KIFAP3: variants seen among roughly 807,000 people sequenced by gnomAD.
The protein encoded by KIFAP3 is kinesin associated protein 3.
In KIFAP3, 68 loss-of-function variants were observed where a neutral mutation model predicts 106.5. That is an observed-to-expected ratio of 0.64 (90% confidence interval 0.53 to 0.78). The LOEUF is 0.78. Ranked by LOEUF, KIFAP3 falls within the 30% of genes least tolerant of loss-of-function variation. The pLI is 0.00. For missense variants in KIFAP3, 780 were observed against 941.8 expected (o/e 0.83, Z 2.25); for synonymous variants, 320 against 311.5 (o/e 1.03, Z -0.29).
intron 10 of KIFAP3, among the ~76,000 whole-genome samples, chr1:169,995,396 A>C (rs924051385): frequency 6.6e-6 from 1 of 152,050 alleles, no homozygotes; most frequent in Non-Finnish European, 1.5e-5. Context: ...CATATTCTGA[A>C]GGAAAGTTTC....
chr1:169,948,928 A>G (rs1368196487), intron 19 of KIFAP3, among the ~76,000 whole-genome samples: 1 of 152,052 alleles, frequency 6.6e-6, no homozygotes, highest in African/African-American at 2.4e-5. Context: ...TCTCAAGGGA[A>G]AAAAACAGTA....
At chr1:170,050,241 T>A (rs1670502227) in intron 2 of KIFAP3, among the ~76,000 whole-genome samples, 2 of 151,686 alleles carry the variant, frequency 1.3e-5, no homozygotes, top group East Asian at 3.9e-4. Flanking sequence ...GAATAAAGAT[T>A]AGAGATTGAA....
intron 11 of KIFAP3, chr1:169,990,127 T>G: frequency 6.7e-7 from 1 of 1,497,052 alleles, no homozygotes; most frequent in Non-Finnish European, 9.1e-7. Flanking sequence ...TCTTCTCCAA[T>G]CAGTGCATAT....
intron 17 of KIFAP3, among the ~76,000 whole-genome samples, chr1:169,971,528 G>T (rs1665918387): frequency 6.6e-6 from 1 of 151,942 alleles, no homozygotes; most frequent in African/African-American, 2.4e-5. Context: ...ACCAGTAATG[G>T]ATACTTAGTC....
chr1:169,991,629 C>T (rs144556022), intron 11 of KIFAP3, among the ~76,000 whole-genome samples: 1 of 152,076 alleles, frequency 6.6e-6, no homozygotes, highest in Non-Finnish European at 1.5e-5. Context: ...AGCTATCCTA[C>T]TTTTAAGAAT....
At chr1:170,037,509 C>A (rs113251010) in intron 5 of KIFAP3, among the ~76,000 whole-genome samples, 1,829 of 151,742 alleles carry the variant, frequency 0.012, 41 homozygotes, top group African/African-American at 0.04. Context: ...GTGGGTGGAT[C>A]CCCTGAGGTC....
chr1:170,056,852 G>C (rs1027749373), intron 1 of KIFAP3, among the ~76,000 whole-genome samples: 1 of 151,834 alleles, frequency 6.6e-6, no homozygotes, highest in Non-Finnish European at 1.5e-5. Context: ...AAGACATATA[G>C]GACAAGTAAA....
intron 10 of KIFAP3, among the ~76,000 whole-genome samples, chr1:170,003,171 T>C (rs1433518988): frequency 6.6e-6 from 1 of 152,178 alleles, no homozygotes; most frequent in African/African-American, 2.4e-5. Flanking sequence ...AGACAAAATC[T>C]TATTCAGTCA....
intron 18 of KIFAP3, 35 bp downstream of exon 18, chr1:169,961,011 T>C (rs1665299177): frequency 1.3e-6 from 2 of 1,559,232 alleles, no homozygotes; most frequent in Non-Finnish European, 8.8e-7. Context: ...ATTCATAGCA[T>C]ATAATAAACT....
chr1:169,974,969 C>A (rs1431507056), intron 16 of KIFAP3, among the ~76,000 whole-genome samples: 1 of 152,040 alleles, frequency 6.6e-6, no homozygotes. Context: ...GTAGTATCTG[C>A]ATATGGCCTA....
At chr1:170,048,718 T>C (rs1424960449) in intron 2 of KIFAP3, among the ~76,000 whole-genome samples, 4 of 151,656 alleles carry the variant, frequency 2.6e-5, no homozygotes, top group Admixed American at 1.3e-4. Flanking sequence ...GGGGCGTCGC[T>C]ACACCCAGGA....
intron 6 of KIFAP3, 52 bp from the exon 7 acceptor site, chr1:170,034,548 C>A (rs749983376): frequency 1.9e-6 from 2 of 1,063,858 alleles, no homozygotes; most frequent in East Asian, 5.9e-5. Context: ...TTTATGGGTA[C>A]AGGAAATTTG....
At chr1:169,983,076 G>A (rs1423803528) in intron 13 of KIFAP3, among the ~76,000 whole-genome samples, 194 bp downstream of exon 13, 1 of 151,798 alleles carries the variant, frequency 6.6e-6, no homozygotes, top group South Asian at 2.1e-4. Flanking sequence ...GGGATTAGGG[G>A]TAAGGGTCAC....
In KIFAP3 at chr1:169,991,241, G is replaced by C. The variant is rs139973297; in HGVS notation, c.1284+914C>G. Among the ~76,000 whole-genome samples the C allele has an allele frequency of 7.5e-3, 1,134 of 152,150 alleles. 11 individuals carry two copies. The highest frequency in any genetic ancestry group is 0.026 in the African/African-American group (1,072 of 41,536). On this transcript the variant is annotated intron_variant, in intron 11 of 19. Coordinates refer to ENST00000361580, the MANE Select transcript of KIFAP3 (RefSeq NM_014970.4). The stretch of plus-strand genomic sequence containing the variant: ...GCACACCTGTAGTCCTAGCTACCCA[G>C]GAGGCTGAGGCAGGAGGATTGCTTG...
At chr1:169,969,540 A>G (rs1665801076) in intron 17 of KIFAP3, among the ~76,000 whole-genome samples, 2 of 152,034 alleles carry the variant, frequency 1.3e-5, no homozygotes, top group South Asian at 4.1e-4. Context: ...CTTGCTATTA[A>G]TTCCAGATTA....
At chr1:170,049,517 C>T (rs1233665244) in intron 2 of KIFAP3, among the ~76,000 whole-genome samples, 2 of 152,206 alleles carry the variant, frequency 1.3e-5, no homozygotes, top group Non-Finnish European at 2.9e-5. Context: ...AAGTGGGTCC[C>T]TGACCCCCAT....
chr1:169,969,386 A>G (rs1486662387), intron 17 of KIFAP3, among the ~76,000 whole-genome samples: 1 of 152,056 alleles, frequency 6.6e-6, no homozygotes, highest in East Asian at 1.9e-4. Flanking sequence ...TTATCTTTGC[A>G]GAGACCATAA....
At chr1:170,021,044 G>A (rs78453892) in intron 9 of KIFAP3, among the ~76,000 whole-genome samples, 1 of 151,996 alleles carries the variant, frequency 6.6e-6, no homozygotes, top group Non-Finnish European at 1.5e-5. Flanking sequence ...TGAAAAGAAG[G>A]CACAGAAAAG....
chr1:170,010,346 T>C (rs1460561312), intron 10 of KIFAP3, among the ~76,000 whole-genome samples: 1 of 151,934 alleles, frequency 6.6e-6, no homozygotes, highest in African/African-American at 2.4e-5. Context: ...TATAATATTC[T>C]TTACAAATCC....
Sources: allele counts gnomAD v4.1 joint callset (sites outside exome capture counted in the v4.1 genomes callset), GRCh38; gene constraint gnomAD v4.1.1; transcripts MANE v1.5; gene names NCBI Gene and HGNC (gene_info 2026-07-23, HGNC 2026-07-21).